The following CWF19L1 variants were observed in gnomAD, a reference collection of about 807,000 sequenced individuals.
CWF19L1 encodes the protein CWF19 like cell cycle control factor 1, also known as CWF19-like protein 1.
A neutral mutation model predicts 69.7 loss-of-function variants in CWF19L1; 60 were observed. The observed-to-expected ratio is 0.86, with a 90% CI of 0.70 to 1.07. The LOEUF (loss-of-function observed/expected upper bound fraction) is 1.07, where lower values mean the gene tolerates loss of function less well. Ranked by LOEUF, CWF19L1 falls within the 50% of genes least tolerant of loss-of-function variation. The pLI is 0.00. For synonymous variants in CWF19L1, 209 were observed against 222.2 expected (o/e 0.94, Z 0.53); for missense variants, 591 against 638.9 (o/e 0.92, Z 0.81).
chr10:100,233,560 T>C (rs563073984), intron 13 of CWF19L1, 189 bp from the exon 14 acceptor site: 59 of 428,316 alleles, frequency 1.4e-4, no homozygotes, highest in African/African-American at 1.1e-3. Context: ...TTCCTGATCC[T>C]TCAAACCCCA....
chr10:100,257,201 G>A (rs1006806318), intron 4 of CWF19L1, among the ~76,000 whole-genome samples: 27 of 150,944 alleles, frequency 1.8e-4, no homozygotes, highest in African/African-American at 5.8e-4. Context: ...CTCAATCATC[G>A]CCATCCAAAA....
rs1266444517 is a variant in CWF19L1, at chr10:100,250,235, G to C, written c.708+13C>G. 15 of 1,558,298 alleles carry C rather than the reference G, an allele frequency of 9.6e-6. No individual in the cohort carries two copies. The highest frequency in any genetic ancestry group is 1.2e-5 in the Non-Finnish European group (14 of 1,130,090). On this transcript the variant is annotated intron_variant, in intron 7 of 13. Coordinates refer to ENST00000354105, the MANE Select transcript of CWF19L1 (RefSeq NM_018294.6). ...ATGAATATCAACCTTCCACCAAATA[G>C]GTAAATCTTTACCTTTTTCTTTTCT... is the stretch of plus-strand genomic sequence containing the variant.
At position 100,260,179 on chromosome 10, in the gene CWF19L1, AC is replaced by A. The variant is rs1164954891; in HGVS notation, c.289+38del. 15 of 1,432,394 alleles carry A rather than the reference AC, an allele frequency of 1.0e-5. No individual in the cohort carries two copies. In the Admixed American group the frequency reaches 2.7e-4, roughly 26 times the overall value. 88.7% of individuals were successfully genotyped at this position (1,432,394 alleles called of 1,614,324 possible). On this transcript the variant is annotated intron_variant, in intron 4 of 13. Coordinates refer to ENST00000354105, the MANE Select transcript of CWF19L1 (RefSeq NM_018294.6). ...CAAGACTCCGTCTCAAAAACAAAAA[AC>A]AAAAAACAAAAAAAAAATACAACAA...
At chr10:100,255,887 A>G (rs1185692287) in intron 5 of CWF19L1, among the ~76,000 whole-genome samples, 1 of 151,926 alleles carries the variant, frequency 6.6e-6, no homozygotes, top group Non-Finnish European at 1.5e-5. Context: ...CCAAGATCGC[A>G]CCACTGCACT....
intron 10 of CWF19L1, 95 bp from the exon 11 acceptor site, chr10:100,238,326 G>A: frequency 1.9e-6 from 2 of 1,065,502 alleles, no homozygotes; most frequent in Non-Finnish European, 2.8e-6. Flanking sequence ...GAGGGTGTAG[G>A]CGAAAAGTAC....
Position 100,260,987 on chromosome 10 carries a change from ACTC to A in CWF19L1, c.163_165del (p.Glu55del), listed in dbSNP as rs752947229. On this transcript the variant is annotated inframe_deletion, in exon 3 of 14. Coordinates refer to ENST00000354105, the MANE Select transcript of CWF19L1 (RefSeq NM_018294.6). ...ATACCTTTCTTGATGCCAGTCTTAT[ACTC>A]CTCCCATTCAGCATCTTGGGTGGAG... 3.1e-6 allele frequency: 5 copies of A among 1,610,606 alleles called. No homozygotes were observed. In the South Asian group the frequency reaches 4.4e-5, roughly 14 times the overall value.
chr10:100,239,311 T>C (rs1055269920), intron 10 of CWF19L1, among the ~76,000 whole-genome samples: 2 of 152,146 alleles, frequency 1.3e-5, no homozygotes, highest in Non-Finnish European at 1.5e-5. Context: ...AAGGGCCCAA[T>C]GAGTACCAGT....
chr10:100,241,827 G>A lies in CWF19L1; in HGVS notation c.1044+1871C>T, dbSNP rs77633054. On this transcript the variant is annotated intron_variant, in intron 10 of 13. Transcript: ENST00000354105. The stretch of plus-strand genomic sequence containing the variant: ...GTGATAACATTAATCCATTCATGAA[G>A]GCAGAGTCCTTATGACCAAATCACC... Among the ~76,000 whole-genome samples, 208 of 152,236 alleles carry A rather than the reference G, an allele frequency of 1.4e-3. 9 individuals are homozygous for A. In the East Asian group the frequency reaches 0.039, roughly 29 times the overall value.
At chr10:100,256,878 A>G (rs1313372528) in intron 4 of CWF19L1, among the ~76,000 whole-genome samples, 1 of 152,248 alleles carries the variant, frequency 6.6e-6, no homozygotes, top group East Asian at 1.9e-4. Context: ...TAAGGAAGCT[A>G]CAGTCTAGAA....
intron 1 of CWF19L1, among the ~76,000 whole-genome samples, chr10:100,265,218 A>T (rs1287800005): frequency 6.6e-6 from 1 of 152,112 alleles, no homozygotes; most frequent in Non-Finnish European, 1.5e-5. Flanking sequence ...ACAGCTGTAC[A>T]ATGTGTTTTA....
chr10:100,235,166 G>A (rs1251880991), intron 13 of CWF19L1, among the ~76,000 whole-genome samples: 3 of 152,192 alleles, frequency 2.0e-5, no homozygotes, highest in Non-Finnish European at 2.9e-5. Context: ...CATTTCCATC[G>A]TTGTGAAAAG....
intron 2 of CWF19L1, among the ~76,000 whole-genome samples, chr10:100,261,343 T>G (rs374656672): frequency 1.3e-5 from 2 of 152,356 alleles, no homozygotes. Flanking sequence ...CCAGTCCCAC[T>G]CTGCCATTCA....
In CWF19L1 at chr10:100,250,339, C is replaced by A. The variant is rs1177494468; in HGVS notation, c.624-7G>T. The stretch of plus-strand genomic sequence containing the variant: ...CTGTAGAATGATATGGTTTCTACAA[C>A]ATATTTGAGAGACAAAAAATTGCAA... On this transcript the variant is annotated splice_region_variant and splice_polypyrimidine_tract_variant and intron_variant, in intron 6 of 13. Transcript: ENST00000354105. 6.3e-7 allele frequency: 1 copy of A among 1,590,900 alleles called. No individual in the cohort carries two copies. The highest frequency in any genetic ancestry group is 8.6e-7 in the Non-Finnish European group (1 of 1,159,760).
At chr10:100,237,043 G>A in intron 11 of CWF19L1, 74 bp from the exon 12 acceptor site, 1 of 1,508,762 alleles carries the variant, frequency 6.6e-7, no homozygotes, top group Non-Finnish European at 8.9e-7. Context: ...TCTCTGAGAA[G>A]TAGCAAATCC....
intron 7 of CWF19L1, chr10:100,248,588 AAG>A (rs1245187654): frequency 9.5e-6 from 7 of 738,948 alleles, no homozygotes. Context: ...ACCAGCATTG[AAG>A]AGGATTATGA....
chr10:100,251,868 G>A (rs1000807106), intron 6 of CWF19L1, among the ~76,000 whole-genome samples: 1 of 152,114 alleles, frequency 6.6e-6, no homozygotes, highest in Non-Finnish European at 1.5e-5. Flanking sequence ...TAAGAACTGT[G>A]TAAGTTTTGA....
At chr10:100,260,412 A>G in intron 3 of CWF19L1, 93 bp from the exon 4 acceptor site, 1 of 671,998 alleles carries the variant, frequency 1.5e-6, no homozygotes, top group Non-Finnish European at 2.6e-6. Flanking sequence ...CTTATATTAA[A>G]AGTAAATAGT....
intron 9 of CWF19L1, among the ~76,000 whole-genome samples, chr10:100,245,042 A>C (rs1392553850): frequency 7.2e-6 from 1 of 138,448 alleles, no homozygotes; most frequent in East Asian, 2.0e-4. Flanking sequence ...TTTTTTTTTG[A>C]GATGGAGTCT....
At chr10:100,254,958 G>A (rs1847161564) in intron 5 of CWF19L1, among the ~76,000 whole-genome samples, 1 of 152,124 alleles carries the variant, frequency 6.6e-6, no homozygotes, top group Admixed American at 6.5e-5. Flanking sequence ...GGCCTTTTTG[G>A]TCATGGACAC....
Sources: gnomAD v4.1 joint callset for allele counts (sites outside exome capture counted in the v4.1 genomes callset) on GRCh38, gnomAD v4.1.1 for gene constraint, MANE v1.5 for transcripts, NCBI Gene and HGNC (gene_info 2026-07-23, HGNC 2026-07-21) for gene names.